The following STX8 variants were observed in gnomAD, a reference collection of about 807,000 sequenced individuals.
STX8 encodes syntaxin-8.
In STX8, 23 loss-of-function variants were observed where a neutral mutation model predicts 37.5. The ratio of observed to expected loss-of-function variants is 0.61; its 90% CI spans 0.44 to 0.87. STX8 has a LOEUF of 0.87. Ranked by LOEUF, STX8 falls within the 40% of genes least tolerant of loss-of-function variation. The pLI, the probability that STX8 is intolerant of heterozygous loss-of-function variation, is 0.00. For missense variants in STX8, 313 were observed against 284.7 expected, an observed-to-expected ratio of 1.10 and a Z score of -0.71; for synonymous variants, 115 against 99.1, an observed-to-expected ratio of 1.16 and a Z score of -0.95.
chr17:9,472,375 T>G (rs1236521202), intron 6 of STX8, among the ~76,000 whole-genome samples: 2 of 152,128 alleles, frequency 1.3e-5, no homozygotes, highest in African/African-American at 4.8e-5. Context: ...TTTTAGTGGG[T>G]AGGTGAGTAT....
At chr17:9,559,743 T>TATATATAC (rs1234414541) in intron 2 of STX8, among the ~76,000 whole-genome samples, 1,604 of 44,132 alleles carry the variant, frequency 0.036, 436 homozygotes, top group Middle Eastern at 0.21. Context: ...TTTATATATA[T>TATATATAC]ATATATATAT....
intron 6 of STX8, among the ~76,000 whole-genome samples, chr17:9,402,121 TATTA>T (rs1205102449): frequency 2.7e-5 from 4 of 147,668 alleles, no homozygotes; most frequent in Admixed American, 2.0e-4. Context: ...TTTATTTATT[TATTA>T]TTATTTGTTT....
At chr17:9,536,088 G>C (rs1362147245) in intron 4 of STX8, among the ~76,000 whole-genome samples, 2 of 152,180 alleles carry the variant, frequency 1.3e-5, no homozygotes, top group Non-Finnish European at 2.9e-5. Flanking sequence ...AAAAATTATT[G>C]AGAGTAATTA....
At chr17:9,251,783 G>C (rs757223216) in intron 7 of STX8, among the ~76,000 whole-genome samples, 5 of 152,240 alleles carry the variant, frequency 3.3e-5, no homozygotes, top group Non-Finnish European at 7.3e-5. Context: ...GATCCTCAGG[G>C]TTCAATGTGG....
At chr17:9,369,348 G>A (rs1321952549) in intron 7 of STX8, among the ~76,000 whole-genome samples, 2 of 152,150 alleles carry the variant, frequency 1.3e-5, no homozygotes, top group Non-Finnish European at 2.9e-5. Context: ...TTACCTCAAT[G>A]AACCATGATA....
chr17:9,397,097 C>T (rs1300369479), intron 6 of STX8, among the ~76,000 whole-genome samples: 1 of 152,140 alleles, frequency 6.6e-6, no homozygotes, highest in Non-Finnish European at 1.5e-5. Context: ...TACATTGGCA[C>T]TAAACAATTA....
At chr17:9,481,657 T>TC (rs1216807204) in intron 6 of STX8, among the ~76,000 whole-genome samples, 1 of 151,312 alleles carries the variant, frequency 6.6e-6, no homozygotes, top group Non-Finnish European at 1.5e-5. Flanking sequence ...ATAGCAGGGG[T>TC]CCCCCACCCC....
chr17:9,494,141 G>A (rs1201546306), intron 5 of STX8, among the ~76,000 whole-genome samples: 1 of 151,328 alleles, frequency 6.6e-6, no homozygotes, highest in Non-Finnish European at 1.5e-5. Context: ...TCAGCCTCCC[G>A]AGTAGCTGGG....
chr17:9,566,816 T>C (rs1318668914), intron 2 of STX8, among the ~76,000 whole-genome samples: 2 of 151,906 alleles, frequency 1.3e-5, no homozygotes, highest in South Asian at 2.1e-4. Flanking sequence ...AAGAGACACA[T>C]GCATGTGTAT....
chr17:9,446,618 TTAA>T (rs1904861144), intron 6 of STX8, among the ~76,000 whole-genome samples: 1 of 152,186 alleles, frequency 6.6e-6, no homozygotes, highest in South Asian at 2.1e-4. Flanking sequence ...TAAGTAGTAG[TTAA>T]TGATGAGGAG....
At chr17:9,462,443 C>T (rs561126459) in intron 6 of STX8, among the ~76,000 whole-genome samples, 11 of 152,198 alleles carry the variant, frequency 7.2e-5, no homozygotes, top group South Asian at 4.1e-4. Context: ...ATCAGGAGGC[C>T]GGGTGCAGTG....
intron 7 of STX8, among the ~76,000 whole-genome samples, chr17:9,281,975 C>T (rs1195257294): frequency 6.6e-6 from 1 of 152,212 alleles, no homozygotes; most frequent in Non-Finnish European, 1.5e-5. Flanking sequence ...TGCTGGAGGC[C>T]TCTCCACCAG....
At chr17:9,480,807 C>T (rs1210607554) in intron 6 of STX8, among the ~76,000 whole-genome samples, 1 of 152,214 alleles carries the variant, frequency 6.6e-6, no homozygotes, top group Non-Finnish European at 1.5e-5. Context: ...AAACCCTTTC[C>T]TCATCTGACA....
intron 7 of STX8, among the ~76,000 whole-genome samples, chr17:9,307,408 C>CT (rs1909038636): frequency 6.6e-6 from 1 of 152,296 alleles, no homozygotes; most frequent in South Asian, 2.1e-4. Flanking sequence ...CGGTCTTCCT[C>CT]TCGGGTCAGC....
At chr17:9,360,049 G>A (rs12942769) in intron 7 of STX8, among the ~76,000 whole-genome samples, 42,963 of 151,608 alleles carry the variant, frequency 0.28, 6,586 homozygotes, top group Middle Eastern at 0.36. Context: ...ATTGTTTCCT[G>A]AGCCTGACAT....
chr17:9,264,720 T>C (rs921531509), intron 7 of STX8, among the ~76,000 whole-genome samples: 102 of 152,246 alleles, frequency 6.7e-4, no homozygotes, highest in African/African-American at 2.3e-3. Flanking sequence ...TGGGCATTTC[T>C]AGTGAACTAG....
At chr17:9,438,339 C>T (rs1039778866) in intron 6 of STX8, among the ~76,000 whole-genome samples, 13 of 146,550 alleles carry the variant, frequency 8.9e-5, no homozygotes, top group Non-Finnish European at 1.5e-4. Flanking sequence ...TCTTAAATAT[C>T]GTATAAATGC....
At chr17:9,405,396 G>C (rs1056599553) in intron 6 of STX8, among the ~76,000 whole-genome samples, 1 of 152,132 alleles carries the variant, frequency 6.6e-6, no homozygotes, top group African/African-American at 2.4e-5. Flanking sequence ...ACTTTAAAAG[G>C]CAGTCCCCTA....
chr17:9,372,769 C>T lies in STX8; in HGVS notation c.643+5783G>A, dbSNP rs1911452945. The stretch of plus-strand genomic sequence containing the variant: ...GGGATTACAGGCATGAGCCACCACG[C>T]CCAGCCCTCATTTTTTTTTTTTTTT... On this transcript the variant is annotated intron_variant, in intron 7 of 7. Coordinates refer to ENST00000306357, the MANE Select transcript of STX8 (RefSeq NM_004853.3). Among the ~76,000 whole-genome samples the T allele has an allele frequency of 2.1e-5, 3 of 144,286 alleles. No individual in the cohort carries two copies. In the South Asian group the frequency reaches 6.8e-4, roughly 33 times the overall value. 94.7% of individuals were successfully genotyped at this position (144,286 alleles called of 152,430 possible).
Sources: allele counts gnomAD v4.1 joint callset (sites outside exome capture counted in the v4.1 genomes callset), GRCh38; gene constraint gnomAD v4.1.1; transcripts MANE v1.5; gene names NCBI Gene and HGNC (gene_info 2026-07-23, HGNC 2026-07-21).